Variants in PGM2L1 observed in about 807,000 individuals in gnomAD.
PGM2L1 encodes glucose 1,6-bisphosphate synthase.
PGM2L1 carries 35 observed loss-of-function variants against 73.4 expected under a neutral mutation model. The observed-to-expected ratio is 0.48, with a 90% CI of 0.36 to 0.63. The LOEUF (loss-of-function observed/expected upper bound fraction) is 0.63. Among genes scored for constraint, PGM2L1 ranks in the 30% least tolerant of loss-of-function variants. The pLI is 0.00. For synonymous variants in PGM2L1, 225 were observed against 253.8 expected, an observed-to-expected ratio of 0.89 and a Z score of 1.08; for missense variants, 570 against 742.0, an observed-to-expected ratio of 0.77 and a Z score of 2.69.
chr11:74,371,378 C>T (rs984733908), intron 3 of PGM2L1, among the ~76,000 whole-genome samples: 4 of 152,238 alleles, frequency 2.6e-5, no homozygotes, highest in African/African-American at 9.6e-5. Flanking sequence ...TTTATAAAAA[C>T]ACCCTAAAAC....
At position 74,339,115 on chromosome 11, in the gene PGM2L1, G is replaced by C. The variant is rs569012371; in HGVS notation, c.1633-514C>G. On this transcript the variant is annotated intron_variant, in intron 12 of 13. Transcript: ENST00000298198. ...CCATTTTACAGACGAGGCTCAAAGA[G>C]AGTAAACAACCCATTCAAGACAATC... Among the ~76,000 whole-genome samples, 13 of 152,234 alleles carry C rather than the reference G, an allele frequency of 8.5e-5. 1 individual carries two copies. The South Asian group carries it at 2.7e-3, about 32-fold the overall frequency.
intron 1 of PGM2L1, among the ~76,000 whole-genome samples, chr11:74,381,921 G>A (rs1862953867): frequency 6.7e-6 from 1 of 148,930 alleles, no homozygotes; most frequent in Admixed American, 6.7e-5. Flanking sequence ...CCCCACCAAT[G>A]GTAACCTAGG....
intron 7 of PGM2L1, 105 bp from the exon 8 acceptor site, chr11:74,346,934 T>C (rs1275135930): frequency 2.8e-6 from 3 of 1,064,764 alleles, no homozygotes; most frequent in Non-Finnish European, 4.3e-6. Context: ...TTAGAAGGCA[T>C]AGAATTCAGC....
At chr11:74,367,131 G>T (rs1862672656) in intron 5 of PGM2L1, among the ~76,000 whole-genome samples, 2 of 152,136 alleles carry the variant, frequency 1.3e-5, no homozygotes, top group Admixed American at 1.3e-4. Context: ...GTTTTTGTTT[G>T]GGTGGGTGGT....
chr11:74,397,023 A>T (rs1863187095), intron 1 of PGM2L1, among the ~76,000 whole-genome samples: 1 of 152,166 alleles, frequency 6.6e-6, no homozygotes, highest in Non-Finnish European at 1.5e-5. Context: ...AGCATTCAAT[A>T]TTTTTTTGCT....
Position 74,360,372 on chromosome 11 carries a change from C to G in PGM2L1, c.555+8120G>C, listed in dbSNP as rs1485065744. 2.0e-5 allele frequency among the ~76,000 whole-genome samples: 3 copies of G among 151,820 alleles called. No homozygotes were observed. The East Asian group carries it at 5.8e-4, about 29-fold the overall frequency. On this transcript the variant is annotated intron_variant, in intron 5 of 13. Transcript: ENST00000298198. ...AGGTAAGTGGTACATGCCTATAGCC[C>G]CAGCTACTCAAGAGGCTGAGGCTGG...
rs1398366925 is a variant in PGM2L1 at position 74,335,904 on chromosome 11, T to A, written c.*748A>T. 6.6e-6 allele frequency: 1 copy of A among 152,666 alleles called. No individual in the cohort carries two copies. The highest frequency in any genetic ancestry group is 1.9e-4 in the East Asian group (1 of 5,204). The allele number at this position is 152,666 out of a possible 1,614,324, so 9.5% of individuals were successfully genotyped here. On this transcript the variant is annotated 3_prime_UTR_variant, in exon 14 of 14. Coordinates refer to ENST00000298198, the MANE Select transcript of PGM2L1 (RefSeq NM_173582.6). ...AATTGACTGATTAAATTATGGTAAA[T>A]GCAGGAACACTGTTTTTTCTGTTCA...
intron 5 of PGM2L1, among the ~76,000 whole-genome samples, chr11:74,361,281 C>A (rs1862559406): frequency 6.6e-6 from 1 of 152,194 alleles, no homozygotes; most frequent in Admixed American, 6.5e-5. Flanking sequence ...GATACCCAGG[C>A]AAACAGGGTC....
At chr11:74,346,270 C>CAA (rs751742460) in intron 8 of PGM2L1, among the ~76,000 whole-genome samples, 19 of 57,890 alleles carry the variant, frequency 3.3e-4, no homozygotes, top group African/African-American at 9.6e-4. Flanking sequence ...ACTATGTCTC[C>CAA]AAAAAAAAAA....
At position 74,332,741 on chromosome 11, in the gene PGM2L1, A is replaced by C. The variant is rs1048393959; in HGVS notation, c.*3911T>G. The C allele has an allele frequency of 1.3e-5, 2 of 152,430 alleles. No individual in the cohort carries two copies. The highest frequency in any genetic ancestry group is 2.9e-5 in the Non-Finnish European group (2 of 68,032). 9.4% of individuals were successfully genotyped at this position (152,430 alleles called of 1,614,324 possible). ...TCCCTGTTGCATCAATTCCAGAAGC[A>C]ACTTGCTTAAGAAATGGGAGGTCTA... is the stretch of plus-strand genomic sequence containing the variant. On this transcript the variant is annotated 3_prime_UTR_variant, in exon 14 of 14. Transcript: ENST00000298198.
chr11:74,363,213 C>T (rs1460161920), intron 5 of PGM2L1, among the ~76,000 whole-genome samples: 1 of 152,096 alleles, frequency 6.6e-6, no homozygotes, highest in Non-Finnish European at 1.5e-5. Context: ...CACAACATAC[C>T]AGAATCTCTG....
rs1315557784 is a variant in PGM2L1, at chr11:74,333,169, T to G, written c.*3483A>C. Reference sequence around the variant, plus strand: ...AAAGTCATCTGTATATCTCTTAATTTTTAAAATTTTTATTCCCTTAAAAAT... The same window carrying G: ...AAAGTCATCTGTATATCTCTTAATTGTTAAAATTTTTATTCCCTTAAAAAT... On this transcript the variant is annotated 3_prime_UTR_variant, in exon 14 of 14. Coordinates refer to ENST00000298198, the MANE Select transcript of PGM2L1 (RefSeq NM_173582.6). The G allele has an allele frequency of 6.6e-6, 1 of 152,118 alleles. No individual in the cohort carries two copies. Among genetic ancestry groups the G allele is most frequent in the East Asian group, 1.9e-4 (1 of 5,196 alleles). The allele number at this position is 152,118 out of a possible 1,614,324, so 9.4% of individuals were successfully genotyped here. A position where few individuals can be genotyped will look rare whatever the true frequency, so the allele number is the denominator to read the frequency against.
intron 5 of PGM2L1, among the ~76,000 whole-genome samples, chr11:74,358,007 G>A (rs981375425): frequency 6.6e-6 from 1 of 152,226 alleles, no homozygotes; most frequent in Non-Finnish European, 1.5e-5. Context: ...TTTGCCAGGG[G>A]TTAAAGAGGA....
intron 1 of PGM2L1, among the ~76,000 whole-genome samples, chr11:74,383,918 G>A (rs1177756790): frequency 6.7e-6 from 1 of 149,822 alleles, no homozygotes; most frequent in Non-Finnish European, 1.5e-5. Context: ...GAATAGTGCT[G>A]CAATGAACAT....
At chr11:74,359,261 T>G (rs1862513630) in intron 5 of PGM2L1, among the ~76,000 whole-genome samples, 1 of 152,070 alleles carries the variant, frequency 6.6e-6, no homozygotes, top group Non-Finnish European at 1.5e-5. Context: ...CAATAAACAT[T>G]CTTCTACATT....
At chr11:74,391,164 C>T (rs1863096746) in intron 1 of PGM2L1, among the ~76,000 whole-genome samples, 1 of 151,502 alleles carries the variant, frequency 6.6e-6, no homozygotes, top group Non-Finnish European at 1.5e-5. Context: ...TCCTTCCCTC[C>T]CTCCCTTCCT....
intron 5 of PGM2L1, among the ~76,000 whole-genome samples, chr11:74,359,451 A>G (rs1010036268): frequency 6.6e-6 from 1 of 151,898 alleles, no homozygotes; most frequent in Non-Finnish European, 1.5e-5. Context: ...ACACACACAT[A>G]CATATTTTTT....
intron 5 of PGM2L1, chr11:74,355,307 A>T: frequency 1.2e-6 from 1 of 809,496 alleles, no homozygotes; most frequent in Non-Finnish European, 2.2e-6. Context: ...TAATCCCAGC[A>T]CTTTGGGAGG....
At chr11:74,363,240 G>C (rs573232045) in intron 5 of PGM2L1, among the ~76,000 whole-genome samples, 21 of 152,282 alleles carry the variant, frequency 1.4e-4, no homozygotes, top group African/African-American at 4.6e-4. Context: ...ATTTAAAGCA[G>C]TGTGTAGAGG....
Sources: gnomAD v4.1 joint callset for allele counts (sites outside exome capture counted in the v4.1 genomes callset) on GRCh38, gnomAD v4.1.1 for gene constraint, MANE v1.5 for transcripts, NCBI Gene and HGNC (gene_info 2026-07-23, HGNC 2026-07-21) for gene names.